The following IL33 variants were observed in gnomAD, a reference collection of about 807,000 sequenced individuals.
IL33 encodes interleukin-33.
Under a neutral mutation model 27.3 loss-of-function variants are expected in IL33, and 37 were observed. The observed-to-expected ratio is 1.36, with a 90% CI of 1.04 to 1.78. The LOEUF is 1.78. Ranked by LOEUF, IL33 falls within the 40% of genes most tolerant of loss-of-function variation. The pLI is 0.00. For synonymous variants in IL33, 132 were observed against 102.9 expected (o/e 1.28, Z -1.71); for missense variants, 406 against 311.4 (o/e 1.30, Z -2.29).
intron 2 of IL33, among the ~76,000 whole-genome samples, chr9:6,248,650 C>CT (rs1381599279): frequency 6.6e-6 from 1 of 152,080 alleles, no homozygotes; most frequent in Non-Finnish European, 1.5e-5. Context: ...TTATAGCTCA[C>CT]TACAGCCTCA....
chr9:6,230,560 C>T (rs539961202), intron 1 of IL33, among the ~76,000 whole-genome samples: 1 of 152,154 alleles, frequency 6.6e-6, no homozygotes, highest in Non-Finnish European at 1.5e-5. Flanking sequence ...GTGCTCCCAT[C>T]CCCCGCTTCT....
chr9:6,224,060 C>T (rs1818526490), intron 1 of IL33, among the ~76,000 whole-genome samples: 1 of 152,198 alleles, frequency 6.6e-6, no homozygotes, highest in African/African-American at 2.4e-5. Context: ...AGGCCAACCC[C>T]TTCTCTTGGT....
intron 2 of IL33, among the ~76,000 whole-genome samples, chr9:6,250,222 T>C (rs1456647202): frequency 6.6e-6 from 1 of 152,248 alleles, no homozygotes; most frequent in African/African-American, 2.4e-5. Flanking sequence ...TATGTTTCAA[T>C]ATAAAATTAA....
chr9:6,216,473 G>T (rs547698174), intron 1 of IL33, among the ~76,000 whole-genome samples: 1 of 152,198 alleles, frequency 6.6e-6, no homozygotes, highest in South Asian at 2.1e-4. Context: ...GGTGGTTCAA[G>T]CCTGTAATCC....
At chr9:6,245,180 G>A (rs943811472) in intron 2 of IL33, among the ~76,000 whole-genome samples, 1 of 152,090 alleles carries the variant, frequency 6.6e-6, no homozygotes, top group Non-Finnish European at 1.5e-5. Flanking sequence ...GGGAGCCTTG[G>A]GATAGATCCA....
intron 1 of IL33, among the ~76,000 whole-genome samples, chr9:6,218,615 T>C (rs752059027): frequency 3.4e-4 from 51 of 148,390 alleles, no homozygotes; most frequent in Non-Finnish European, 6.1e-4. Context: ...TATACACATA[T>C]ATATTCTCCC....
At chr9:6,218,909 T>TATATATATATATGTTCTCC (rs1818292030) in intron 1 of IL33, among the ~76,000 whole-genome samples, 1 of 73,444 alleles carries the variant, frequency 1.4e-5, no homozygotes, top group Admixed American at 1.4e-4. Flanking sequence ...CATATATATA[T>TATATATATATATGTTCTCC]ATATATATAT....
chr9:6,221,124 G>A lies in IL33; in HGVS notation c.-12+5272G>A, dbSNP rs184935942. Reference sequence around the variant, plus strand: ...GAACAAGTTTCAGGCACAGAAATAAGTACCAATATTCATTCTGATGTAATT... The same window carrying A: ...GAACAAGTTTCAGGCACAGAAATAAATACCAATATTCATTCTGATGTAATT... On this transcript the variant is annotated intron_variant, in intron 1 of 7. Coordinates refer to ENST00000682010, the MANE Select transcript of IL33 (RefSeq NM_033439.4). 2.2e-4 allele frequency among the ~76,000 whole-genome samples: 33 copies of A among 152,216 alleles called. 1 individual carries two copies. In the East Asian group the frequency reaches 6.0e-3, roughly 28 times the overall value.
chr9:6,221,265 G>A (rs1047103247), intron 1 of IL33, among the ~76,000 whole-genome samples: 2 of 152,140 alleles, frequency 1.3e-5, no homozygotes, highest in Non-Finnish European at 2.9e-5. Flanking sequence ...CATATGGTTT[G>A]TGGAAACTTA....
rs375298218 is a variant in IL33 at position 6,250,532 on chromosome 9, C to A, written c.150C>A (p.Gly50=). The A allele has an allele frequency of 4.9e-4, 798 of 1,613,924 alleles. 10 individuals carry two copies. The South Asian group carries it at 8.1e-3, about 16-fold the overall frequency. The stretch of plus-strand genomic sequence containing the variant: ...TGTACTTTATGAAGCTCCGCTCTGG[C>A]CTTATGATAAAAAAGGAGGCCTGTT... ...CPMYFMKLRS[G]LMIKKEACYF... Residue 50 remains glycine, a synonymous_variant, in exon 3 of 8, where the codon GGC becomes GGA. Coordinates refer to ENST00000682010, the MANE Select transcript of IL33 (RefSeq NM_033439.4).
chr9:6,256,009 T>C lies in IL33; in HGVS notation c.654T>C (p.Phe218=), dbSNP rs2130482430. ...AACCACTGCCAGACCAGGCCTTCTT[T>C]GTCCTTCATAATATGCACTCCAACT... ...CEKPLPDQAF[F]VLHNMHSNCV... Residue 218 remains phenylalanine (F), a synonymous_variant, in exon 8 of 8, where the codon TTT becomes TTC. Transcript: ENST00000682010. 1.2e-6 allele frequency: 2 copies of C among 1,613,762 alleles called. No homozygotes were observed. The highest frequency in any genetic ancestry group is 4.5e-5 in the East Asian group (2 of 44,874).
At chr9:6,244,008 A>C (rs1481844397) in intron 2 of IL33, among the ~76,000 whole-genome samples, 1 of 152,222 alleles carries the variant, frequency 6.6e-6, no homozygotes, top group African/African-American at 2.4e-5. Context: ...CTCTCTGTAG[A>C]AACAGTGACT....
At chr9:6,253,156 T>A (rs1323944862) in intron 5 of IL33, among the ~76,000 whole-genome samples, 165 bp downstream of exon 5, 1 of 152,226 alleles carries the variant, frequency 6.6e-6, no homozygotes, top group East Asian at 1.9e-4. Flanking sequence ...AATCCACTTC[T>A]ATGTCAAGAT....
chr9:6,240,088 G>A (rs1369216533), intron 1 of IL33, among the ~76,000 whole-genome samples: 2 of 152,116 alleles, frequency 1.3e-5, no homozygotes, highest in East Asian at 1.9e-4. Flanking sequence ...CAGAACTTCA[G>A]TACCAGTATT....
chr9:6,230,065 G>T (rs998131580), intron 1 of IL33, among the ~76,000 whole-genome samples: 1 of 152,168 alleles, frequency 6.6e-6, no homozygotes, highest in East Asian at 1.9e-4. Context: ...TAGAGAGTAT[G>T]GAGGGAGGGG....
chr9:6,219,395 G>A (rs747715289), intron 1 of IL33, among the ~76,000 whole-genome samples: 1 of 151,984 alleles, frequency 6.6e-6, no homozygotes, highest in Non-Finnish European at 1.5e-5. Context: ...GGAATTGGGG[G>A]CGCTTCCTCC....
chr9:6,231,692 A>G (rs1324634565), intron 1 of IL33, among the ~76,000 whole-genome samples: 1 of 152,192 alleles, frequency 6.6e-6, no homozygotes, highest in Non-Finnish European at 1.5e-5. Context: ...CACCTAGCCC[A>G]GTACTAGAAG....
chr9:6,225,775 T>G (rs962752418), intron 1 of IL33, among the ~76,000 whole-genome samples: 1 of 152,088 alleles, frequency 6.6e-6, no homozygotes, highest in Non-Finnish European at 1.5e-5. Flanking sequence ...GGGGCTAGAG[T>G]GCAGTGATGT....
At chr9:6,222,283 C>T (rs1308348785) in intron 1 of IL33, among the ~76,000 whole-genome samples, 1 of 152,114 alleles carries the variant, frequency 6.6e-6, no homozygotes, top group Non-Finnish European at 1.5e-5. Flanking sequence ...TGTTAGCAGG[C>T]AGCCATTTGG....
Sources: allele counts gnomAD v4.1 joint callset (sites outside exome capture counted in the v4.1 genomes callset), GRCh38; gene constraint gnomAD v4.1.1; transcripts MANE v1.5; gene names NCBI Gene and HGNC (gene_info 2026-07-23, HGNC 2026-07-21).